SPRED1: variants seen among roughly 807,000 people sequenced by gnomAD.
The protein encoded by SPRED1 is sprouty-related, EVH1 domain-containing protein 1.
A neutral mutation model predicts 52.3 loss-of-function variants in SPRED1; 18 were observed. That is an observed-to-expected ratio of 0.34 (90% confidence interval 0.24 to 0.51). SPRED1 has a LOEUF of 0.51. Ranked by LOEUF, SPRED1 falls within the 20% of genes least tolerant of loss-of-function variation. SPRED1 has a pLI of 0.97. For synonymous variants in SPRED1, 155 were observed against 179.7 expected, an observed-to-expected ratio of 0.86 and a Z score of 1.10; for missense variants, 485 against 551.0, an observed-to-expected ratio of 0.88 and a Z score of 1.20.
chr15:38,309,191 A>G (rs751831604), intron 2 of SPRED1, among the ~76,000 whole-genome samples: 12 of 152,220 alleles, frequency 7.9e-5, no homozygotes, highest in Non-Finnish European at 1.3e-4. Flanking sequence ...GTCTTCTTCT[A>G]GTGCAGTGGC....
At chr15:38,306,784 C>T (rs1440810608) in intron 2 of SPRED1, among the ~76,000 whole-genome samples, 2 of 152,182 alleles carry the variant, frequency 1.3e-5, no homozygotes, top group African/African-American at 4.8e-5. Context: ...TCTCATTTAG[C>T]TTAACACTTT....
intron 1 of SPRED1, among the ~76,000 whole-genome samples, chr15:38,296,301 C>T (rs1037525133): frequency 1.3e-5 from 2 of 152,026 alleles, no homozygotes; most frequent in Non-Finnish European, 2.9e-5. Context: ...ACTACTAGGG[C>T]TTGTAAAAAT....
In SPRED1 at chr15:38,352,297, A is replaced by G. The variant is rs118146919; in HGVS notation, c.*633A>G. 4.7e-4 allele frequency: 72 copies of G among 152,356 alleles called. No homozygotes were observed. In the East Asian group the frequency reaches 0.014, roughly 29 times the overall value. 9.4% of individuals were successfully genotyped at this position (152,356 alleles called of 1,614,324 possible). ...TCCATATATTTTGAATATTTAACTCATCTAGTTAATAATGTTTTTATTCCA... is the reference window on the plus strand; with the variant it reads ...TCCATATATTTTGAATATTTAACTCGTCTAGTTAATAATGTTTTTATTCCA... On this transcript the variant is annotated 3_prime_UTR_variant, in exon 7 of 7. Coordinates refer to ENST00000299084, the MANE Select transcript of SPRED1 (RefSeq NM_152594.3).
intron 2 of SPRED1, among the ~76,000 whole-genome samples, chr15:38,299,814 G>A (rs1224143011): frequency 1.3e-5 from 2 of 151,908 alleles, no homozygotes; most frequent in African/African-American, 2.4e-5. Context: ...TTATTCAACC[G>A]GTAACATCCT....
chr15:38,310,851 T>G (rs7359295), intron 2 of SPRED1, among the ~76,000 whole-genome samples: 139,233 of 152,188 alleles, frequency 0.91, 64,969 homozygotes, highest in East Asian at 1. Flanking sequence ...AATTCTTTAT[T>G]TAAATTCCCT....
intron 1 of SPRED1, among the ~76,000 whole-genome samples, chr15:38,295,721 A>G (rs1267139731): frequency 6.6e-6 from 1 of 152,190 alleles, no homozygotes; most frequent in Non-Finnish European, 1.5e-5. Flanking sequence ...ATTTATGAAC[A>G]TCATGCACAA....
At chr15:38,314,250 C>G (rs187638817) in intron 2 of SPRED1, among the ~76,000 whole-genome samples, 1 of 151,768 alleles carries the variant, frequency 6.6e-6, no homozygotes. Context: ...AATTTTGTGT[C>G]TATTTCATCT....
In SPRED1 at chr15:38,253,088, C is replaced by T. The variant is rs1048467891; in HGVS notation, c.-98C>T. 3 of 1,050,370 alleles carry T rather than the reference C, an allele frequency of 2.9e-6. No individual in the cohort carries two copies. Among genetic ancestry groups the T allele is most frequent in the Non-Finnish European group, 4.3e-6 (3 of 696,124 alleles). The allele number at this position is 1,050,370 out of a possible 1,614,324, so 65.1% of individuals were successfully genotyped here. A position where few individuals can be genotyped will look rare whatever the true frequency, so the allele number is the denominator to read the frequency against. On this transcript the variant is annotated 5_prime_UTR_variant, in exon 1 of 7. Transcript: ENST00000299084. ...GGCCCCTGTGCCGCTGCCCCCGCGCCCCCCCGGCCGCCGCTGCCTCCTGCC... is the reference window on the plus strand; with the variant it reads ...GGCCCCTGTGCCGCTGCCCCCGCGCTCCCCCGGCCGCCGCTGCCTCCTGCC...
At chr15:38,324,688 A>G (rs1366701216) in intron 3 of SPRED1, 75 bp from the exon 4 acceptor site, 2 of 1,128,950 alleles carry the variant, frequency 1.8e-6, no homozygotes, top group Non-Finnish European at 2.6e-6. Context: ...TTATAATGAC[A>G]TAATCAATTA....
chr15:38,272,489 C>T (rs1355862495), intron 1 of SPRED1, among the ~76,000 whole-genome samples: 4 of 152,164 alleles, frequency 2.6e-5, no homozygotes, highest in African/African-American at 4.8e-5. Context: ...AGGCTGGTCT[C>T]GAACTCCTGA....
intron 5 of SPRED1, among the ~76,000 whole-genome samples, chr15:38,344,070 C>G (rs1896081836): frequency 6.6e-6 from 1 of 152,142 alleles, no homozygotes; most frequent in African/African-American, 2.4e-5. Flanking sequence ...TTAAAAGGAA[C>G]CCACCAGGAG....
chr15:38,261,935 A>G (rs1339199560), intron 1 of SPRED1, among the ~76,000 whole-genome samples: 1 of 151,566 alleles, frequency 6.6e-6, no homozygotes, highest in Non-Finnish European at 1.5e-5. Flanking sequence ...CCACTTTTTC[A>G]AAGTTACTGT....
At chr15:38,294,534 T>C (rs1894993228) in intron 1 of SPRED1, among the ~76,000 whole-genome samples, 1 of 152,196 alleles carries the variant, frequency 6.6e-6, no homozygotes, top group Non-Finnish European at 1.5e-5. Context: ...TATTATATTT[T>C]AGCCTGGAGG....
intron 1 of SPRED1, among the ~76,000 whole-genome samples, chr15:38,257,104 T>G (rs1195109265): frequency 6.6e-6 from 1 of 152,198 alleles, no homozygotes; most frequent in East Asian, 1.9e-4. Flanking sequence ...CCTTACAAAC[T>G]TTTGTAAATT....
At chr15:38,264,876 G>C (rs112589599) in intron 1 of SPRED1, among the ~76,000 whole-genome samples, 110 of 152,274 alleles carry the variant, frequency 7.2e-4, no homozygotes, top group African/African-American at 2.5e-3. Context: ...TCAGGAACGA[G>C]TGATTCTGAG....
chr15:38,325,302 A>G (rs1056114822), intron 4 of SPRED1, among the ~76,000 whole-genome samples: 2 of 152,246 alleles, frequency 1.3e-5, no homozygotes, highest in African/African-American at 4.8e-5. Context: ...TATAAGGTGT[A>G]TAAACATAAA....
intron 4 of SPRED1, among the ~76,000 whole-genome samples, chr15:38,328,615 TA>T (rs1439790880): frequency 1.3e-5 from 2 of 152,360 alleles, no homozygotes; most frequent in East Asian, 3.9e-4. Flanking sequence ...GGAAAAGTCT[TA>T]AAAGTTAAGA....
At chr15:38,344,786 CGTAA>C (rs1896098123) in intron 5 of SPRED1, among the ~76,000 whole-genome samples, 1 of 152,054 alleles carries the variant, frequency 6.6e-6, no homozygotes, top group Non-Finnish European at 1.5e-5. Flanking sequence ...CAATAATACT[CGTAA>C]GTAATTCCTT....
chr15:38,289,031 G>A (rs908520071), intron 1 of SPRED1, among the ~76,000 whole-genome samples: 1 of 152,116 alleles, frequency 6.6e-6, no homozygotes, highest in Non-Finnish European at 1.5e-5. Flanking sequence ...GGTTTCCTGT[G>A]CCTTAAACCT....
Sources: gnomAD v4.1 joint callset for allele counts (sites outside exome capture counted in the v4.1 genomes callset) on GRCh38, gnomAD v4.1.1 for gene constraint, MANE v1.5 for transcripts, NCBI Gene and HGNC (gene_info 2026-07-23, HGNC 2026-07-21) for gene names.